Variants in TACC2 observed in about 807,000 individuals in gnomAD.
TACC2 encodes transforming acidic coiled-coil containing protein 2, also known as transforming acidic coiled-coil-containing protein 2.
TACC2 carries 137 observed loss-of-function variants against 227.3 expected under a neutral mutation model. The observed-to-expected ratio is 0.60, with a 90% CI of 0.52 to 0.69. The LOEUF (loss-of-function observed/expected upper bound fraction) is 0.69, where lower values mean the gene tolerates loss of function less well. Among genes scored for constraint, TACC2 ranks in the 30% least tolerant of loss-of-function variants. The pLI is 0.00. For missense variants in TACC2, 3,470 were observed against 3,694.4 expected (o/e 0.94, Z 1.57); for synonymous variants, 1,523 against 1,487.5 (o/e 1.02, Z -0.55).
At chr10:121,996,854 A>C (rs1181199824) in intron 1 of TACC2, among the ~76,000 whole-genome samples, 1 of 152,054 alleles carries the variant, frequency 6.6e-6, no homozygotes, top group Admixed American at 6.6e-5. Context: ...CAGGTGCTTT[A>C]GGTTTAGAGT....
At chr10:122,049,317 G>A (rs533923294) in intron 2 of TACC2, among the ~76,000 whole-genome samples, 92 of 152,258 alleles carry the variant, frequency 6.0e-4, no homozygotes, top group Admixed American at 4.6e-4. Context: ...TTTCTGTGGC[G>A]GTTTCGTCCA....
chr10:122,249,416 G>T, intron 21 of TACC2, 128 bp from the exon 22 acceptor site: 1 of 1,342,926 alleles, frequency 7.4e-7, no homozygotes, highest in Admixed American at 2.2e-5. Flanking sequence ...ATGGGCTCCT[G>T]TGCTCCAGCT....
intron 2 of TACC2, among the ~76,000 whole-genome samples, chr10:122,035,681 T>G (rs188322807): frequency 2.6e-5 from 4 of 152,320 alleles, no homozygotes; most frequent in East Asian, 3.9e-4. Flanking sequence ...TACATTGCAG[T>G]GCAACCATCA....
rs1358141591 is a variant in TACC2 at position 122,217,004 on chromosome 10, A to C, written c.7546+176A>C. On this transcript the variant is annotated intron_variant, in intron 11 of 22. Transcript: ENST00000369005. ...TCAGGCTGTGTTTGAAAACAGCCTGAGACTTGAAAGCAGCTGTCCCTTGAC... is the reference window on the plus strand; with the variant it reads ...TCAGGCTGTGTTTGAAAACAGCCTGCGACTTGAAAGCAGCTGTCCCTTGAC... 12 of 1,328,498 alleles carry C rather than the reference A, an allele frequency of 9.0e-6. No individual in the cohort carries two copies. The South Asian group carries it at 1.4e-4, about 16-fold the overall frequency. 82.3% of individuals were successfully genotyped at this position (1,328,498 alleles called of 1,614,324 possible).
In TACC2 at chr10:122,248,545, C is replaced by G. The variant is rs1390001467; in HGVS notation, c.8393-98C>G. The G allele has an allele frequency of 8.4e-6, 12 of 1,424,730 alleles. No homozygotes were observed. In the East Asian group the frequency reaches 1.8e-4, roughly 22 times the overall value. The allele number at this position is 1,424,730 out of a possible 1,614,324, so 88.3% of individuals were successfully genotyped here. A position where few individuals can be genotyped will look rare whatever the true frequency, so the allele number is the denominator to read the frequency against. On this transcript the variant is annotated intron_variant, in intron 19 of 22. Coordinates refer to ENST00000369005, the MANE Select transcript of TACC2 (RefSeq NM_206862.4). Reference sequence around the variant, plus strand: ...AAAGCTGGGGTTTGAGATGCCCCCACTGGTGAGGCTGAGTTGCATCTGAGG... The same window carrying G: ...AAAGCTGGGGTTTGAGATGCCCCCAGTGGTGAGGCTGAGTTGCATCTGAGG...
At chr10:122,049,490 AT>A (rs1342246755) in intron 2 of TACC2, among the ~76,000 whole-genome samples, 7 of 152,046 alleles carry the variant, frequency 4.6e-5, no homozygotes, top group Non-Finnish European at 1.0e-4. Context: ...TATGACTGGC[AT>A]TTTCCATGAG....
At chr10:122,157,656 C>CT (rs2092574473) in intron 7 of TACC2, among the ~76,000 whole-genome samples, 1 of 152,142 alleles carries the variant, frequency 6.6e-6, no homozygotes, top group African/African-American at 2.4e-5. Context: ...CACTTCCACG[C>CT]TTACCTCACT....
rs145672216 is a variant in TACC2 at position 122,215,371 on chromosome 10, G to A, written c.7284-20G>A. 172 of 1,611,774 alleles carry A rather than the reference G, an allele frequency of 1.1e-4. No individual in the cohort carries two copies. Among genetic ancestry groups the A allele is most frequent in the Admixed American group, 1.8e-4 (11 of 59,996 alleles). On this transcript the variant is annotated intron_variant, in intron 9 of 22. Coordinates refer to ENST00000369005, the MANE Select transcript of TACC2 (RefSeq NM_206862.4). ...CCGTCCCTCTGCTTGTTGTGTTTAC[G>A]TTTTCCATTTTGTTTCCAGTGACAC...
chr10:122,223,245 A>G (rs980775890), intron 11 of TACC2, among the ~76,000 whole-genome samples: 1 of 151,916 alleles, frequency 6.6e-6, no homozygotes, highest in Admixed American at 6.6e-5. Context: ...GGGGTTGGCC[A>G]GGTTGTTCTT....
intron 5 of TACC2, among the ~76,000 whole-genome samples, chr10:122,100,090 C>T (rs2081965168): frequency 6.6e-6 from 1 of 152,098 alleles, no homozygotes; most frequent in Non-Finnish European, 1.5e-5. Context: ...CAAGGCGAAA[C>T]TCCGTCTCTA....
chr10:122,073,168 C>T (rs964325122), intron 3 of TACC2, among the ~76,000 whole-genome samples: 2 of 130,458 alleles, frequency 1.5e-5, no homozygotes, highest in African/African-American at 6.0e-5. Flanking sequence ...CACACACACG[C>T]ATACATGAGA....
chr10:122,065,625 A>G (rs912498784), intron 3 of TACC2, among the ~76,000 whole-genome samples: 1 of 152,174 alleles, frequency 6.6e-6, no homozygotes, highest in African/African-American at 2.4e-5. Flanking sequence ...AATTAAGTCA[A>G]GTTGGTCATA....
intron 6 of TACC2, among the ~76,000 whole-genome samples, chr10:122,135,379 G>A (rs1415505970): frequency 6.6e-6 from 1 of 152,242 alleles, no homozygotes; most frequent in Non-Finnish European, 1.5e-5. Context: ...CAGTGGCTAA[G>A]CAGAGGTGTC....
chr10:122,179,806 G>A (rs949584956), intron 7 of TACC2, among the ~76,000 whole-genome samples: 7 of 152,214 alleles, frequency 4.6e-5, no homozygotes, highest in Non-Finnish European at 8.8e-5. Flanking sequence ...ATTAGCAGAC[G>A]TGGTGGCTTA....
At chr10:122,127,572 C>G (rs2087125857) in intron 5 of TACC2, among the ~76,000 whole-genome samples, 2 of 152,172 alleles carry the variant, frequency 1.3e-5, no homozygotes, top group Admixed American at 6.5e-5. Flanking sequence ...CAGCTGGTGG[C>G]AGCAGCTGGT....
At chr10:122,157,291 T>C (rs1218623605) in intron 7 of TACC2, among the ~76,000 whole-genome samples, 3 of 152,168 alleles carry the variant, frequency 2.0e-5, no homozygotes, top group African/African-American at 7.2e-5. Context: ...ATGGGGGAAC[T>C]AGAAATGCAT....
At chr10:122,242,468 G>A (rs772505843) in intron 19 of TACC2, among the ~76,000 whole-genome samples, 3 of 152,128 alleles carry the variant, frequency 2.0e-5, no homozygotes, top group Non-Finnish European at 2.9e-5. Context: ...CCTTCCTCCC[G>A]TGACCATGGC....
At chr10:122,097,928 T>C (rs953412584) in intron 5 of TACC2, among the ~76,000 whole-genome samples, 7 of 152,032 alleles carry the variant, frequency 4.6e-5, no homozygotes, top group Non-Finnish European at 1.0e-4. Context: ...AGCCAGGCAC[T>C]TGGAAGGAGA....
In TACC2 at chr10:122,087,147, G is replaced by A. The variant is rs866903091; in HGVS notation, c.4647G>A (p.Leu1549=). The A allele has an allele frequency of 6.8e-6, 11 of 1,611,332 alleles. No individual in the cohort carries two copies. Among genetic ancestry groups the A allele is most frequent in the Non-Finnish European group, 9.3e-6 (11 of 1,179,186 alleles). ...TGGAAGGCCAGGCTTACTCACAGCT[G>A]GAGAGGAGCAGGCAGGAATTAGCTT... ...PGLEGQAYSQ[L]ERSRQELASG... Residue 1549 remains leucine (L), a synonymous_variant, in exon 4 of 23, where the codon CTG becomes CTA. Coordinates refer to ENST00000369005, the MANE Select transcript of TACC2 (RefSeq NM_206862.4).
Sources: allele counts gnomAD v4.1 joint callset (sites outside exome capture counted in the v4.1 genomes callset), GRCh38; gene constraint gnomAD v4.1.1; transcripts MANE v1.5; gene names NCBI Gene and HGNC (gene_info 2026-07-23, HGNC 2026-07-21).